SYT6: variants seen among roughly 807,000 people sequenced by gnomAD.
The protein encoded by SYT6 is synaptotagmin 6.
Under a neutral mutation model 38.4 loss-of-function variants are expected in SYT6, and 24 were observed. The observed-to-expected ratio is 0.62, with a 90% confidence interval of 0.45 to 0.88. The LOEUF (loss-of-function observed/expected upper bound fraction) is 0.88. Ranked by LOEUF, SYT6 falls within the 40% of genes least tolerant of loss-of-function variation. SYT6 has a pLI of 0.00. For missense variants in SYT6, 611 were observed against 621.0 expected (o/e 0.98, Z 0.17); for synonymous variants, 265 against 241.9 (o/e 1.10, Z -0.89).
chr1:114,151,827 T>C (rs941722850), intron 1 of SYT6, among the ~76,000 whole-genome samples: 13 of 152,006 alleles, frequency 8.6e-5, no homozygotes, highest in Non-Finnish European at 1.8e-4. Flanking sequence ...AGAACCAGAG[T>C]CTTATAATAA....
intron 3 of SYT6, among the ~76,000 whole-genome samples, chr1:114,134,529 G>A (rs1355834046): frequency 6.6e-6 from 1 of 152,200 alleles, no homozygotes; most frequent in African/African-American, 2.4e-5. Context: ...GATAGAATAT[G>A]ACTCAGGATA....
chr1:114,147,546 C>T (rs184740890), intron 1 of SYT6, among the ~76,000 whole-genome samples: 3 of 152,310 alleles, frequency 2.0e-5, no homozygotes, highest in Non-Finnish European at 2.9e-5. Context: ...GGATCACACC[C>T]CAGTGACATA....
chr1:114,152,696 C>T (rs1571910513), intron 1 of SYT6: 1 of 152,332 alleles, frequency 6.6e-6, no homozygotes, highest in East Asian at 1.9e-4. Context: ...TTCCCCCTGC[C>T]GCGACTCCCC....
chr1:114,104,413 G>A (rs1399638596), intron 3 of SYT6, among the ~76,000 whole-genome samples: 1 of 152,160 alleles, frequency 6.6e-6, no homozygotes, highest in South Asian at 2.1e-4. Flanking sequence ...AATTGTCATG[G>A]CCAGGGATTC....
intron 3 of SYT6, among the ~76,000 whole-genome samples, chr1:114,112,075 G>A (rs1287586977): frequency 6.6e-6 from 1 of 152,122 alleles, no homozygotes; most frequent in Non-Finnish European, 1.5e-5. Context: ...TGAGTTCCAT[G>A]CCTGCTTTTA....
In SYT6 at chr1:114,138,124, G is replaced by A. The variant is rs552584978; in HGVS notation, c.513-71C>T. Reference sequence around the variant, plus strand: ...GGGGAAGGGGGATGAAGGCAAACACGAGCCTGGAGGCCCTGGCTCATCTTA... The same window carrying A: ...GGGGAAGGGGGATGAAGGCAAACACAAGCCTGGAGGCCCTGGCTCATCTTA... On this transcript the variant is annotated intron_variant, in intron 2 of 7. Transcript: ENST00000610222. 1.2e-5 allele frequency: 17 copies of A among 1,427,186 alleles called. No individual in the cohort carries two copies. The East Asian group carries it at 3.3e-4, about 28-fold the overall frequency. The allele number at this position is 1,427,186 out of a possible 1,614,324, so 88.4% of individuals were successfully genotyped here. A position where few individuals can be genotyped will look rare whatever the true frequency, so the allele number is the denominator to read the frequency against.
rs1001515740 is a variant in SYT6, at chr1:114,153,698, G to A, written c.75C>T (p.Ala25=). The A allele has an allele frequency of 4.1e-5, 28 of 678,458 alleles. No homozygotes were observed. The African/African-American group carries it at 4.7e-4, about 11-fold the overall frequency. 42.0% of individuals were successfully genotyped at this position (678,458 alleles called of 1,614,324 possible). A position where few individuals can be genotyped will look rare whatever the true frequency, so the allele number is the denominator to read the frequency against. The change falls in exon 1 of 8, where the codon GCC becomes GCT. Residue 25 remains alanine, a synonymous_variant. Transcript: ENST00000610222. Reference sequence around the variant, plus strand: ...CGTCCAGCCCGAGAGGGGGCGGCCGGGCCCGGCACAGCGAGGCGAGGACCG... The same window carrying A: ...CGTCCAGCCCGAGAGGGGGCGGCCGAGCCCGGCACAGCGAGGCGAGGACCG... ...ALAVLASLCR[A]RPPPLGLDVE... is the part of the protein sequence containing the mutation.
Position 114,093,735 on chromosome 1 carries a change from T to A in SYT6, c.*51A>T, listed in dbSNP as rs768274561. The A allele has an allele frequency of 1.2e-6, 2 of 1,613,748 alleles. No individual in the cohort carries two copies. Among genetic ancestry groups the A allele is most frequent in the Admixed American group, 3.3e-5 (2 of 59,972 alleles). On this transcript the variant is annotated splice_region_variant and 3_prime_UTR_variant, in exon 7 of 8. Transcript: ENST00000610222. ...CTTTGGGTCCACACCAGGTACTTACTCCTAACTCCAGGTGGCAGTCTCTCT... is the reference window on the plus strand; with the variant it reads ...CTTTGGGTCCACACCAGGTACTTACACCTAACTCCAGGTGGCAGTCTCTCT...
chr1:114,152,893 C>T (rs1047901688), intron 1 of SYT6: 1 of 152,252 alleles, frequency 6.6e-6, no homozygotes, highest in Non-Finnish European at 1.5e-5. Flanking sequence ...GCTAGAGGCG[C>T]CAGCTCAGTC....
chr1:114,100,856 T>C (rs1571822298), intron 4 of SYT6, among the ~76,000 whole-genome samples: 1 of 152,304 alleles, frequency 6.6e-6, no homozygotes. Context: ...ATGTACCTTT[T>C]CTTGCAAAGT....
At chr1:114,095,023 G>A (rs190878060) in intron 6 of SYT6, among the ~76,000 whole-genome samples, 43 of 152,296 alleles carry the variant, frequency 2.8e-4, no homozygotes, top group African/African-American at 9.9e-4. Context: ...TTAAATAAAC[G>A]TGAACTATGG....
chr1:114,107,287 C>A (rs1209136414), intron 3 of SYT6, among the ~76,000 whole-genome samples: 1 of 152,320 alleles, frequency 6.6e-6, no homozygotes, highest in African/African-American at 2.4e-5. Flanking sequence ...TCCAGGGGAG[C>A]AGTGACCCGC....
chr1:114,118,512 A>C (rs1375653474), intron 3 of SYT6, among the ~76,000 whole-genome samples: 1 of 152,176 alleles, frequency 6.6e-6, no homozygotes, highest in East Asian at 1.9e-4. Flanking sequence ...GCCTCTTTGC[A>C]CTGTATGAAC....
chr1:114,129,606 T>A (rs1677993278), intron 3 of SYT6, among the ~76,000 whole-genome samples: 1 of 95,540 alleles, frequency 1.0e-5, no homozygotes, highest in Non-Finnish European at 2.3e-5. Context: ...CTTTCTTTCT[T>A]TCTTTCTTTC....
chr1:114,127,752 G>A (rs917809781), intron 3 of SYT6, among the ~76,000 whole-genome samples: 3 of 152,242 alleles, frequency 2.0e-5, no homozygotes, highest in Non-Finnish European at 4.4e-5. Context: ...ACCCATCTCT[G>A]CATTGGCAGG....
At chr1:114,140,039 G>T in intron 1 of SYT6, 76 bp from the exon 2 acceptor site, 3 of 824,356 alleles carry the variant, frequency 3.6e-6, no homozygotes, top group Non-Finnish European at 5.5e-6. Flanking sequence ...TGTTGGAGGA[G>T]GGGGCACACG....
chr1:114,091,771 G>A lies in SYT6; in HGVS notation c.*363C>T. 1 of 363,344 alleles carries A rather than the reference G, an allele frequency of 2.8e-6. No homozygotes were observed. The highest frequency in any genetic ancestry group is 4.9e-6 in the Non-Finnish European group (1 of 206,098). The allele number at this position is 363,344 out of a possible 1,614,324, so 22.5% of individuals were successfully genotyped here. A position where few individuals can be genotyped will look rare whatever the true frequency, so the allele number is the denominator to read the frequency against. ...TTTTTTTTTTTCCCTTTTCTTACCAGCAGACCCATAAAAAGTGAAAAACCA... is the reference window on the plus strand; with the variant it reads ...TTTTTTTTTTTCCCTTTTCTTACCAACAGACCCATAAAAAGTGAAAAACCA... On this transcript the variant is annotated 3_prime_UTR_variant, in exon 8 of 8. Transcript: ENST00000610222.
intron 3 of SYT6, among the ~76,000 whole-genome samples, chr1:114,123,974 G>A (rs200616787): frequency 1.3e-4 from 2 of 15,684 alleles, no homozygotes; most frequent in Non-Finnish European, 1.9e-4. Context: ...GACCCCATCC[G>A]GCTGGGGCCT....
At chr1:114,122,981 C>T (rs1324104959) in intron 3 of SYT6, among the ~76,000 whole-genome samples, 1 of 152,246 alleles carries the variant, frequency 6.6e-6, no homozygotes, top group African/African-American at 2.4e-5. Flanking sequence ...TCCTGACTCA[C>T]ACCTCCTTTT....
Sources: allele counts gnomAD v4.1 joint callset (sites outside exome capture counted in the v4.1 genomes callset), GRCh38; gene constraint gnomAD v4.1.1; transcripts MANE v1.5; gene names NCBI Gene and HGNC (gene_info 2026-07-23, HGNC 2026-07-21).